The following PSD3 variants were observed in gnomAD, a reference collection of about 807,000 sequenced individuals.
The protein encoded by PSD3 is PH and SEC7 domain-containing protein 3.
PSD3 carries 49 observed loss-of-function variants against 105.5 expected under a neutral mutation model. The observed-to-expected ratio is 0.46, with a 90% CI of 0.37 to 0.59. The LOEUF (loss-of-function observed/expected upper bound fraction) is 0.59. PSD3 is among the 20% of genes least tolerant of loss of function. PSD3 has a pLI of 0.00. For missense variants in PSD3, 1,561 were observed against 1,263.8 expected (o/e 1.24, Z -3.57); for synonymous variants, 557 against 457.8 (o/e 1.22, Z -2.77).
chr8:19,057,982 A>T (rs1393212349), intron 1 of PSD3, among the ~76,000 whole-genome samples: 1 of 152,210 alleles, frequency 6.6e-6, no homozygotes, highest in Admixed American at 6.5e-5. Flanking sequence ...AAAAACCTCT[A>T]CAGGACCACT....
At chr8:18,650,512 AC>A (rs1808394484) in intron 10 of PSD3, among the ~76,000 whole-genome samples, 1 of 152,204 alleles carries the variant, frequency 6.6e-6, no homozygotes, top group African/African-American at 2.4e-5. Flanking sequence ...CGTAGCAGAG[AC>A]CTTCCACAAG....
intron 9 of PSD3, among the ~76,000 whole-genome samples, chr8:18,706,002 T>C (rs1247099155): frequency 6.6e-6 from 1 of 152,250 alleles, no homozygotes; most frequent in East Asian, 1.9e-4. Context: ...TAACTTGCTT[T>C]GGCCAGTGGA....
chr8:18,655,206 G>A (rs1459189954), intron 10 of PSD3, among the ~76,000 whole-genome samples: 1 of 151,498 alleles, frequency 6.6e-6, no homozygotes, highest in Non-Finnish European at 1.5e-5. Flanking sequence ...GTGGGCGCCT[G>A]TAGTCCCAGC....
intron 4 of PSD3, among the ~76,000 whole-genome samples, chr8:18,841,550 C>A (rs983903263): frequency 6.6e-6 from 1 of 152,082 alleles, no homozygotes; most frequent in Admixed American, 6.6e-5. Flanking sequence ...CTCTCTAGGT[C>A]TCATGTGGAA....
chr8:18,680,825 T>C (rs959311112), intron 9 of PSD3, among the ~76,000 whole-genome samples: 1 of 152,312 alleles, frequency 6.6e-6, no homozygotes, highest in Non-Finnish European at 1.5e-5. Context: ...GAAAATTCAA[T>C]TTTCTTAATT....
At chr8:18,877,282 A>C (rs1384794096) in intron 2 of PSD3, among the ~76,000 whole-genome samples, 2 of 152,158 alleles carry the variant, frequency 1.3e-5, no homozygotes, top group African/African-American at 4.8e-5. Flanking sequence ...GTCTTCTAAG[A>C]GTTTTGCAGT....
intron 1 of PSD3, among the ~76,000 whole-genome samples, chr8:19,076,138 T>C (rs940473395): frequency 8.5e-5 from 13 of 152,196 alleles, no homozygotes; most frequent in African/African-American, 3.1e-4. Flanking sequence ...TTGCAGAGTA[T>C]GCTAAGAAAA....
At chr8:18,547,199 G>C (rs1363423539) in intron 15 of PSD3, among the ~76,000 whole-genome samples, 1 of 152,166 alleles carries the variant, frequency 6.6e-6, no homozygotes, top group Non-Finnish European at 1.5e-5. Context: ...CCAACCCTCA[G>C]AGCAGGACAC....
At chr8:19,003,368 C>A in intron 1 of PSD3, among the ~76,000 whole-genome samples, 1 of 151,852 alleles carries the variant, frequency 6.6e-6, no homozygotes, top group Non-Finnish European at 1.5e-5. Context: ...GGCAACTGAG[C>A]AAGACCCCGT....
intron 8 of PSD3, among the ~76,000 whole-genome samples, chr8:18,774,298 G>A (rs1433455005): frequency 6.6e-6 from 1 of 152,148 alleles, no homozygotes; most frequent in Non-Finnish European, 1.5e-5. Context: ...CTTGATATAT[G>A]TATATATCGT....
At chr8:18,602,606 T>C (rs536280801) in intron 11 of PSD3, among the ~76,000 whole-genome samples, 27 of 152,090 alleles carry the variant, frequency 1.8e-4, no homozygotes, top group Non-Finnish European at 4.0e-4. Flanking sequence ...CTCTGACACT[T>C]ATTAATCCAT....
At chr8:19,035,769 G>C (rs985424600) in intron 1 of PSD3, among the ~76,000 whole-genome samples, 2 of 151,784 alleles carry the variant, frequency 1.3e-5, no homozygotes, top group East Asian at 3.9e-4. Flanking sequence ...GGGGGGGTGT[G>C]GGGGTGACTG....
chr8:19,076,530 T>TA (rs1829467501), intron 1 of PSD3, among the ~76,000 whole-genome samples: 1 of 152,068 alleles, frequency 6.6e-6, no homozygotes, highest in Non-Finnish European at 1.5e-5. Context: ...GACCTAAGGG[T>TA]ACCAGCAAGC....
chr8:18,745,112 T>G (rs749432054), intron 9 of PSD3, among the ~76,000 whole-genome samples: 6 of 152,210 alleles, frequency 3.9e-5, no homozygotes, highest in Non-Finnish European at 2.9e-5. Flanking sequence ...CTTGATCACT[T>G]GGTTAAGGTG....
At chr8:18,739,930 G>A (rs963653715) in intron 9 of PSD3, among the ~76,000 whole-genome samples, 2 of 152,130 alleles carry the variant, frequency 1.3e-5, no homozygotes, top group Non-Finnish European at 2.9e-5. Context: ...GCTATCTTTA[G>A]AACATAAGTT....
At chr8:18,643,933 C>T (rs1024586810) in intron 10 of PSD3, among the ~76,000 whole-genome samples, 3 of 152,328 alleles carry the variant, frequency 2.0e-5, no homozygotes, top group Admixed American at 6.5e-5. Context: ...TAAGCTGTAG[C>T]TAGGCCGGCT....
At position 18,926,574 on chromosome 8, in the gene PSD3, A is replaced by C. The variant is rs527414446; in HGVS notation, c.130+9460T>G. Among the ~76,000 whole-genome samples the C allele has an allele frequency of 2.0e-5, 3 of 152,294 alleles. No homozygotes were observed. The East Asian group carries it at 5.8e-4, about 29-fold the overall frequency. ...ATGCAACACAAAACCACAATGAGAT[A>C]CTACTTCATATCTCCTAGGATAATT... On this transcript the variant is annotated intron_variant, in intron 2 of 15. Transcript: ENST00000327040.
intron 1 of PSD3, among the ~76,000 whole-genome samples, chr8:18,947,575 A>C (rs944511711): frequency 1.3e-4 from 20 of 152,200 alleles, no homozygotes. Flanking sequence ...CGGGGGGCCC[A>C]GAGCAGAGCC....
At chr8:18,735,133 G>T (rs1035574171) in intron 9 of PSD3, among the ~76,000 whole-genome samples, 4 of 152,116 alleles carry the variant, frequency 2.6e-5, no homozygotes, top group African/African-American at 9.7e-5. Flanking sequence ...TTTGAGAAGG[G>T]AATAATCACC....
Sources: gnomAD v4.1 joint callset for allele counts (sites outside exome capture counted in the v4.1 genomes callset) on GRCh38, gnomAD v4.1.1 for gene constraint, MANE v1.5 for transcripts, NCBI Gene and HGNC (gene_info 2026-07-23, HGNC 2026-07-21) for gene names.